The following ZMYM4 variants were observed in gnomAD, a reference collection of about 807,000 sequenced individuals.
ZMYM4 encodes zinc finger MYM-type protein 4.
Under a neutral mutation model 183.2 loss-of-function variants are expected in ZMYM4, and 31 were observed. The ratio of observed to expected loss-of-function variants is 0.17; its 90% CI spans 0.13 to 0.23. ZMYM4 has a LOEUF of 0.23. Among genes scored for constraint, ZMYM4 ranks in the 10% least tolerant of loss-of-function variants. The probability of loss-of-function intolerance (pLI) is 1.00; values close to 1 mark genes in which losing one functional copy is unlikely to be tolerated. For synonymous variants in ZMYM4, 592 were observed against 631.2 expected (o/e 0.94, Z 0.93); for missense variants, 1,273 against 1,840.3 (o/e 0.69, Z 5.64).
chr1:35,409,670 G>A (rs1445530702), intron 26 of ZMYM4, among the ~76,000 whole-genome samples: 1 of 151,792 alleles, frequency 6.6e-6, no homozygotes, highest in African/African-American at 2.4e-5. Flanking sequence ...GGCTGGGTGC[G>A]GTGGCTCACA....
intron 1 of ZMYM4, among the ~76,000 whole-genome samples, chr1:35,273,526 TTGTAAA>T (rs1046866451): frequency 3.5e-4 from 54 of 152,348 alleles, no homozygotes; most frequent in African/African-American, 1.3e-3. Flanking sequence ...ATAATAACTT[TTGTAAA>T]TGTAAATATT....
intron 1 of ZMYM4, among the ~76,000 whole-genome samples, chr1:35,324,427 T>A (rs1642421270): frequency 1.3e-5 from 2 of 152,136 alleles, no homozygotes; most frequent in Admixed American, 6.5e-5. Context: ...GTTACTTGTT[T>A]CCTTCTGGAG....
chr1:35,326,095 A>G (rs1444347109), intron 2 of ZMYM4, among the ~76,000 whole-genome samples: 2 of 152,142 alleles, frequency 1.3e-5, no homozygotes, highest in Non-Finnish European at 2.9e-5. Context: ...TCCTCACTAA[A>G]TGTTGTTGAT....
chr1:35,397,146 C>A, intron 19 of ZMYM4: 2 of 1,105,210 alleles, frequency 1.8e-6, no homozygotes, highest in Non-Finnish European at 2.2e-6. Flanking sequence ...TAGAATTATT[C>A]TTTTAGAGGA....
intron 25 of ZMYM4, among the ~76,000 whole-genome samples, chr1:35,405,765 T>G (rs1051365066): frequency 3.3e-4 from 9 of 27,592 alleles, no homozygotes; most frequent in Non-Finnish European, 6.0e-4. Context: ...CCAGTTTTTT[T>G]TTTGTTTTTT....
rs778723816 is a variant in ZMYM4, at chr1:35,359,043, T to G, written c.204T>G (p.Asp68Glu). ...CAGGATCTGAAAATTCATTGCTGGA[T>G]GAAGATGATTATTTTTTGAACTCTG... is the stretch of plus-strand genomic sequence containing the variant. ...NQTGSENSLL[D>E]EDDYFLNSGD... is the part of the protein sequence containing the mutation. Residue 68 changes from aspartate (D) to glutamate (E), a missense_variant, in exon 3 of 30, where the codon GAT (aspartate) becomes GAG (glutamate). Asp to Glu is a conservative substitution (Grantham distance 45). Coordinates refer to ENST00000314607, the MANE Select transcript of ZMYM4 (RefSeq NM_005095.3). 8 of 1,613,714 alleles carry G rather than the reference T, an allele frequency of 5.0e-6. No homozygotes were observed. The East Asian group carries it at 1.8e-4, about 36-fold the overall frequency.
chr1:35,373,234 A>G (rs1011106415), intron 7 of ZMYM4, among the ~76,000 whole-genome samples: 18 of 148,644 alleles, frequency 1.2e-4, no homozygotes, highest in African/African-American at 3.0e-4. Context: ...AAATATATAT[A>G]TATGCATATA....
At chr1:35,407,893 C>A (rs1645032633) in intron 25 of ZMYM4, 115 bp from the exon 26 acceptor site, 5 of 1,295,502 alleles carry the variant, frequency 3.9e-6, no homozygotes, top group Non-Finnish European at 5.4e-6. Flanking sequence ...TCCATATACC[C>A]ACTAGTCTGC....
chr1:35,297,559 A>G (rs1641082397), intron 1 of ZMYM4, among the ~76,000 whole-genome samples: 1 of 152,170 alleles, frequency 6.6e-6, no homozygotes, highest in African/African-American at 2.4e-5. Context: ...GAGCTGACTT[A>G]ACGGACCTGA....
At chr1:35,326,870 C>CT (rs939853335) in intron 2 of ZMYM4, among the ~76,000 whole-genome samples, 2 of 151,972 alleles carry the variant, frequency 1.3e-5, no homozygotes, top group Non-Finnish European at 2.9e-5. Context: ...TTTTTTCTCT[C>CT]TTTTTTTGAG....
intron 7 of ZMYM4, among the ~76,000 whole-genome samples, chr1:35,376,963 G>A (rs1160260915): frequency 6.6e-6 from 1 of 151,952 alleles, no homozygotes; most frequent in Admixed American, 6.6e-5. Flanking sequence ...CTGAAGTACA[G>A]TGGTGCGATC....
At chr1:35,393,768 T>C in intron 18 of ZMYM4, 29 bp downstream of exon 18, 1 of 1,558,154 alleles carries the variant, frequency 6.4e-7, no homozygotes, top group Admixed American at 2.0e-5. Flanking sequence ...CTTTCTTTAT[T>C]AATTTTTTAA....
Position 35,419,717 on chromosome 1 carries a change from C to T in ZMYM4, c.*40C>T. The T allele has an allele frequency of 1.3e-6, 2 of 1,586,574 alleles. No homozygotes were observed. Among genetic ancestry groups the T allele is most frequent in the Non-Finnish European group, 1.7e-6 (2 of 1,156,622 alleles). On this transcript the variant is annotated 3_prime_UTR_variant, in exon 30 of 30. Coordinates refer to ENST00000314607, the MANE Select transcript of ZMYM4 (RefSeq NM_005095.3). Reference sequence around the variant, plus strand: ...TCTTATTTTCATACATATTGGTATGCACCAAACTGTGAATGCATCCAGCTG... The same window carrying T: ...TCTTATTTTCATACATATTGGTATGTACCAAACTGTGAATGCATCCAGCTG...
chr1:35,352,303 A>T (rs1643649351), intron 2 of ZMYM4, among the ~76,000 whole-genome samples: 1 of 146,190 alleles, frequency 6.8e-6, no homozygotes, highest in South Asian at 2.2e-4. Context: ...ACACACACAC[A>T]CACACAGCCA....
rs1644662516 is a variant in ZMYM4, at chr1:35,389,771, AT to A, written c.2437-176del. ...CTCTGTCTCAAAAAAAAAAAAAAAT[AT>A]ATATATATATGTGTGTGTGTGTGTG... On this transcript the variant is annotated intron_variant, in intron 14 of 29. Coordinates refer to ENST00000314607, the MANE Select transcript of ZMYM4 (RefSeq NM_005095.3). The surrounding 1 kb of genome is among the most constrained non-coding windows in gnomAD (Gnocchi z 4.0). 7.7e-6 allele frequency among the ~76,000 whole-genome samples: 1 copy of A among 129,504 alleles called. No individual in the cohort carries two copies. Among genetic ancestry groups the A allele is most frequent in the Admixed American group, 7.5e-5 (1 of 13,262 alleles). 85.0% of individuals were successfully genotyped at this position (129,504 alleles called of 152,430 possible). A position where few individuals can be genotyped will look rare whatever the true frequency, so the allele number is the denominator to read the frequency against.
At chr1:35,367,785 G>A (rs1644122469) in intron 5 of ZMYM4, among the ~76,000 whole-genome samples, 1 of 151,928 alleles carries the variant, frequency 6.6e-6, no homozygotes, top group South Asian at 2.1e-4. Flanking sequence ...AGACCAGCCT[G>A]GCCAACATGT....
At chr1:35,339,065 C>T (rs1643091644) in intron 2 of ZMYM4, among the ~76,000 whole-genome samples, 1 of 152,128 alleles carries the variant, frequency 6.6e-6, no homozygotes, top group Non-Finnish European at 1.5e-5. Context: ...TTACAGTTTG[C>T]CCTCTGTATC....
chr1:35,317,349 C>T (rs114325601), intron 1 of ZMYM4, among the ~76,000 whole-genome samples: 2,533 of 152,172 alleles, frequency 0.017, 67 homozygotes, highest in African/African-American at 0.057. Context: ...AAGAGAATCC[C>T]TTGAACCCGG....
intron 2 of ZMYM4, among the ~76,000 whole-genome samples, chr1:35,354,705 C>A (rs1224166319): frequency 8.6e-6 from 1 of 116,272 alleles, no homozygotes; most frequent in Non-Finnish European, 1.6e-5. Flanking sequence ...CGAGCCTGGG[C>A]GACAGAGTGA....
Sources: allele counts gnomAD v4.1 joint callset (sites outside exome capture counted in the v4.1 genomes callset), GRCh38; gene constraint gnomAD v4.1.1; non-coding constraint Gnocchi (gnomAD v3.1); transcripts MANE v1.5; gene names NCBI Gene and HGNC (gene_info 2026-07-23, HGNC 2026-07-21).